Variants in PABIR3 observed in about 807,000 individuals in gnomAD.
PABIR3 encodes PABIR family member 1.
Under a neutral mutation model 23.1 loss-of-function variants are expected in PABIR3, and 20 were observed. The ratio of observed to expected loss-of-function variants is 0.86; its 90% CI spans 0.61 to 1.26. PABIR3 has a LOEUF of 1.26. Ranked by LOEUF, PABIR3 falls within the 50% of genes most tolerant of loss-of-function variation. The pLI, the probability that PABIR3 is intolerant of heterozygous loss-of-function variation, is 0.00. For synonymous variants in PABIR3, 69 were observed against 68.5 expected (o/e 1.01, Z -0.04); for missense variants, 189 against 195.4 (o/e 0.97, Z 0.20).
At chrX:134,821,074 A>G (rs945031582) in intron 3 of PABIR3, among the ~76,000 whole-genome samples, 4 of 92,982 alleles carry the variant, frequency 4.3e-5, no homozygotes, top group African/African-American at 1.8e-4. Context: ...TTTATATTAT[A>G]TGTGTGTGTG....
At chrX:134,833,520 G>T (rs1013247506) in intron 4 of PABIR3, among the ~76,000 whole-genome samples, 2 of 111,425 alleles carry the variant, frequency 1.8e-5, no homozygotes, top group Non-Finnish European at 3.8e-5. Context: ...ATATCTCTTA[G>T]ATCTCTTTTA....
At chrX:134,837,818 G>A (rs1343724713) in intron 4 of PABIR3, among the ~76,000 whole-genome samples, 2 of 112,006 alleles carry the variant, frequency 1.8e-5, no homozygotes, top group African/African-American at 6.5e-5. Flanking sequence ...AAAACTACCT[G>A]CTCTGTACTT....
chrX:134,862,157 T>G, the PABIR3 span, among the ~76,000 whole-genome samples: 1 of 96,023 alleles, frequency 1.0e-5, no homozygotes, highest in African/African-American at 3.9e-5. Context: ...TTTTTTTTTT[T>G]TTTTTTTTTT....
At chrX:134,838,169 T>C (rs999962627) in intron 4 of PABIR3, among the ~76,000 whole-genome samples, 2 of 111,754 alleles carry the variant, frequency 1.8e-5, no homozygotes, top group Admixed American at 1.9e-4. Flanking sequence ...AGGCTTCTAA[T>C]CCTACTAATT....
At chrX:134,844,391 T>TG (rs1216123363) in intron 4 of PABIR3, among the ~76,000 whole-genome samples, 1 of 110,736 alleles carries the variant, frequency 9.0e-6, no homozygotes, top group East Asian at 2.8e-4. Context: ...ATTGGGACTT[T>TG]GGTAAGGGGC....
At chrX:134,840,906 A>C (rs1854177148) in intron 4 of PABIR3, among the ~76,000 whole-genome samples, 1 of 107,416 alleles carries the variant, frequency 9.3e-6, no homozygotes, top group Non-Finnish European at 1.9e-5. Flanking sequence ...CCCTCTACTC[A>C]CTGCTTGTTC....
chrX:134,815,754 A>C (rs1350222508), intron 3 of PABIR3, among the ~76,000 whole-genome samples: 1 of 108,060 alleles, frequency 9.3e-6, no homozygotes, highest in Non-Finnish European at 1.9e-5. Flanking sequence ...ATCTCGGCTC[A>C]CTGCAACCTC....
At chrX:134,840,781 T>G (rs149741215) in intron 4 of PABIR3, among the ~76,000 whole-genome samples, 1,384 of 110,728 alleles carry the variant, frequency 0.012, 10 homozygotes, top group Non-Finnish European at 0.018. Flanking sequence ...CTCTCATTAC[T>G]TTGTAGCACA....
At chrX:134,813,734 G>C (rs2080806839) in intron 2 of PABIR3, among the ~76,000 whole-genome samples, 1 of 111,395 alleles carries the variant, frequency 9.0e-6, no homozygotes, top group African/African-American at 3.3e-5. Context: ...GGGCAGCCTA[G>C]GCAATATACA....
In PABIR3 at chrX:134,854,803, C is replaced by A. The variant is rs1399427843; in HGVS notation, c.*586C>A. ...AGCAGTAGGTAGGAGAAGAGCAAGACAAATTAAAGTTAATTGAATAGAAAG... is the reference window on the plus strand; with the variant it reads ...AGCAGTAGGTAGGAGAAGAGCAAGAAAAATTAAAGTTAATTGAATAGAAAG... On this transcript the variant is annotated 3_prime_UTR_variant, in exon 11 of 11. Coordinates refer to ENST00000645433, the MANE Select transcript of PABIR3 (RefSeq NM_001388447.1). 8.9e-6 allele frequency: 1 copy of A among 111,943 alleles called. No homozygotes were observed. Among genetic ancestry groups the A allele is most frequent in the Non-Finnish European group, 1.9e-5 (1 of 53,206 alleles). 9.2% of individuals were successfully genotyped at this position (111,943 alleles called of 1,213,427 possible). A position where few individuals can be genotyped will look rare whatever the true frequency, so the allele number is the denominator to read the frequency against.
At chrX:134,807,867 G>A (rs2080332461) in intron 2 of PABIR3, among the ~76,000 whole-genome samples, 159 bp downstream of exon 2, 1 of 111,294 alleles carries the variant, frequency 9.0e-6, no homozygotes, top group Non-Finnish European at 1.9e-5. Flanking sequence ...TTGGGTGGGG[G>A]TAGTGGGACG....
chrX:134,830,414 C>A (rs1328461292), intron 4 of PABIR3, among the ~76,000 whole-genome samples: 1 of 97,596 alleles, frequency 1.0e-5, no homozygotes, highest in Non-Finnish European at 2.0e-5. Context: ...TTCACTGCAA[C>A]CTCCACCTCC....
At position 134,825,432 on chromosome X, in the gene PABIR3, G is replaced by A. The variant is rs149369535; in HGVS notation, c.190-3794G>A. Among the ~76,000 whole-genome samples, 13 of 112,020 alleles carry A rather than the reference G, an allele frequency of 1.2e-4. No homozygotes were observed. In the East Asian group the frequency reaches 2.8e-3, roughly 24 times the overall value. ...TCACATTAAATAGATGCTTAAAACA[G>A]CAACTCTAGCATGTTGTTCATAACA... On this transcript the variant is annotated intron_variant, in intron 3 of 10. Transcript: ENST00000645433.
In PABIR3 at chrX:134,827,628, G is replaced by T. The variant is rs1318141143; in HGVS notation, c.190-1598G>T. Among the ~76,000 whole-genome samples the T allele has an allele frequency of 3.6e-5, 4 of 111,379 alleles. No homozygotes were observed. The Admixed American group carries it at 3.8e-4, about 11-fold the overall frequency. On this transcript the variant is annotated intron_variant, in intron 3 of 10. Transcript: ENST00000645433. The stretch of plus-strand genomic sequence containing the variant: ...TCTGGGTTTCCTATTGTGCTCAAAG[G>T]CTAAAGTCCAAAAACTACAATCTGG...
At chrX:134,816,926 A>G (rs1400943098) in intron 3 of PABIR3, among the ~76,000 whole-genome samples, 3 of 111,551 alleles carry the variant, frequency 2.7e-5, no homozygotes, top group Admixed American at 1.9e-4. Context: ...TGTAATCCCA[A>G]CACTTTGGGA....
intron 3 of PABIR3, 112 bp downstream of exon 3, chrX:134,814,961 C>A: frequency 1.8e-6 from 1 of 548,788 alleles, no homozygotes; most frequent in Non-Finnish European, 2.9e-6. Context: ...ACACAGATGG[C>A]CAGCGGGAGT....
intron 9 of PABIR3, 114 bp from the exon 10 acceptor site, chrX:134,852,686 G>A: frequency 2.4e-6 from 1 of 420,072 alleles, no homozygotes. Flanking sequence ...TGTTTTCTTT[G>A]TGCTTTTCTG....
At chrX:134,850,596 C>T (rs893290092) in intron 9 of PABIR3, among the ~76,000 whole-genome samples, 9 of 111,922 alleles carry the variant, frequency 8.0e-5, no homozygotes, top group Non-Finnish European at 1.5e-4. Context: ...AAATAAAGTA[C>T]GCTTAAATTG....
chrX:134,803,773 C>T (rs1162850678), upstream of PABIR3, among the ~76,000 whole-genome samples: 1 of 112,064 alleles, frequency 8.9e-6, no homozygotes, highest in Non-Finnish European at 1.9e-5. Flanking sequence ...TTCACAATAG[C>T]TACTAAACAA....
Sources: allele counts gnomAD v4.1 joint callset (sites outside exome capture counted in the v4.1 genomes callset), GRCh38; gene constraint gnomAD v4.1.1; transcripts MANE v1.5; gene names NCBI Gene and HGNC (gene_info 2026-07-23, HGNC 2026-07-21).